LYPD6B: variants seen among roughly 807,000 people sequenced by gnomAD.
LYPD6B encodes ly6/PLAUR domain-containing protein 6B.
LYPD6B carries 17 observed loss-of-function variants against 22.8 expected under a neutral mutation model. The ratio of observed to expected loss-of-function variants is 0.75; its 90% confidence interval spans 0.51 to 1.12. LYPD6B has a LOEUF of 1.12. Ranked by LOEUF, LYPD6B falls within the 50% of genes most tolerant of loss-of-function variation. The pLI, the probability that LYPD6B is intolerant of heterozygous loss-of-function variation, is 0.00. For synonymous variants in LYPD6B, 106 were observed against 91.6 expected, an observed-to-expected ratio of 1.16 and a Z score of -0.90; for missense variants, 221 against 258.3, an observed-to-expected ratio of 0.86 and a Z score of 0.99.
In LYPD6B at chr2:149,157,290, TA is replaced by T. The variant is rs1031099747; in HGVS notation, c.6-3465del. Among the ~76,000 whole-genome samples, 419 of 150,338 alleles carry T rather than the reference TA, an allele frequency of 2.8e-3. 1 individual carries two copies. The highest frequency in any genetic ancestry group is 9.5e-3 in the African/African-American group (390 of 41,238). ...ATCTTAACAGTATTCATTTTGTCTT[TA>T]AAAAAAAACCTATTGCTCTAGAAGT... On this transcript the variant is annotated intron_variant, in intron 2 of 6. Coordinates refer to ENST00000409642, the MANE Select transcript of LYPD6B (RefSeq NM_177964.5).
At chr2:149,189,441 G>A (rs76438116) in intron 3 of LYPD6B, among the ~76,000 whole-genome samples, 277 of 145,502 alleles carry the variant, frequency 1.9e-3, no homozygotes, top group African/African-American at 6.6e-3. Flanking sequence ...CACTTTTTAC[G>A]GCAATTATGT....
chr2:149,051,253 C>T (rs994090854), intron 1 of LYPD6B, among the ~76,000 whole-genome samples: 2 of 151,850 alleles, frequency 1.3e-5, no homozygotes, highest in Non-Finnish European at 2.9e-5. Context: ...GTAAGCTCCG[C>T]CTCCTGGGTT....
chr2:149,131,724 A>T (rs2105703251), intron 2 of LYPD6B: 1 of 152,338 alleles, frequency 6.6e-6, no homozygotes, highest in East Asian at 1.9e-4. Flanking sequence ...AAGCTGTCAG[A>T]TCCCTTCCTG....
intron 1 of LYPD6B, among the ~76,000 whole-genome samples, chr2:149,100,054 T>A (rs1233061985): frequency 6.6e-6 from 1 of 152,206 alleles, no homozygotes; most frequent in African/African-American, 2.4e-5. Context: ...AGAACATTTA[T>A]ACCAACTTAT....
At chr2:149,102,241 C>T (rs537005851) in intron 1 of LYPD6B, among the ~76,000 whole-genome samples, 2 of 152,176 alleles carry the variant, frequency 1.3e-5, no homozygotes, top group Admixed American at 6.5e-5. Flanking sequence ...AATGATGGGC[C>T]ACCTTCATTG....
chr2:149,204,994 G>T (rs1420900304), intron 3 of LYPD6B: 2 of 357,940 alleles, frequency 5.6e-6, no homozygotes, highest in East Asian at 9.8e-5. Context: ...CTGCCTGCTT[G>T]TCCTTCCTGA....
chr2:149,061,798 A>C (rs1355184294), intron 1 of LYPD6B, among the ~76,000 whole-genome samples: 1 of 152,142 alleles, frequency 6.6e-6, no homozygotes, highest in Non-Finnish European at 1.5e-5. Context: ...ATACTTTTCT[A>C]TTTTACATTT....
At chr2:149,176,164 A>G (rs1030094673) in intron 3 of LYPD6B, among the ~76,000 whole-genome samples, 2 of 152,208 alleles carry the variant, frequency 1.3e-5, no homozygotes, top group Admixed American at 6.5e-5. Context: ...CTATGATGTT[A>G]TGACTATGAA....
chr2:149,118,613 A>G (rs1176541421), intron 1 of LYPD6B, among the ~76,000 whole-genome samples: 4 of 152,228 alleles, frequency 2.6e-5, no homozygotes, highest in African/African-American at 9.6e-5. Flanking sequence ...ACAGAGTAGA[A>G]ATAGCTGCTA....
At chr2:149,172,556 AC>A (rs1468358036) in intron 3 of LYPD6B, among the ~76,000 whole-genome samples, 1 of 152,096 alleles carries the variant, frequency 6.6e-6, no homozygotes, top group Non-Finnish European at 1.5e-5. Flanking sequence ...TGTTCTGTGG[AC>A]CTCCTAATCA....
chr2:149,153,840 G>T (rs921821274), intron 2 of LYPD6B, among the ~76,000 whole-genome samples: 2 of 152,128 alleles, frequency 1.3e-5, no homozygotes, highest in African/African-American at 2.4e-5. Flanking sequence ...TGGGGCCAGG[G>T]TGATCGTGAC....
chr2:149,043,652 T>A (rs1683185416), intron 1 of LYPD6B, among the ~76,000 whole-genome samples: 1 of 152,120 alleles, frequency 6.6e-6, no homozygotes, highest in Non-Finnish European at 1.5e-5. Context: ...ATAAACCAGT[T>A]TATCGATTTT....
intron 1 of LYPD6B, among the ~76,000 whole-genome samples, chr2:149,120,309 A>ATATGTGTGTATATATATG (rs1553485193): frequency 1.1e-4 from 15 of 132,152 alleles, no homozygotes; most frequent in African/African-American, 2.7e-4. Flanking sequence ...ATATATATAT[A>ATATGTGTGTATATATATG]TGTGTATATA....
chr2:149,208,415 AAG>A lies in LYPD6B; in HGVS notation c.328+4_328+5del. On this transcript the variant is annotated splice_donor_5th_base_variant and intron_variant, in intron 5 of 6. Coordinates refer to ENST00000409642, the MANE Select transcript of LYPD6B (RefSeq NM_177964.5). ...AGAAGACAAATGGTGTCCACAAAGT[AAG>A]TGTGCTGAGTTTGGAAGACTTCTGT... is the stretch of plus-strand genomic sequence containing the variant. 1 of 1,607,696 alleles carries A rather than the reference AAG, an allele frequency of 6.2e-7. No homozygotes were observed.
rs560664229 is a variant in LYPD6B at position 149,094,088 on chromosome 2, A to T, written c.-66-36795A>T. Reference sequence around the variant, plus strand: ...AAATAAGCATAGTATAATAAATGAGAAGAGTTTCTCCAGCAAAGAAGAAAA... The same window carrying T: ...AAATAAGCATAGTATAATAAATGAGTAGAGTTTCTCCAGCAAAGAAGAAAA... On this transcript the variant is annotated intron_variant, in intron 1 of 6. Transcript: ENST00000409642. Among the ~76,000 whole-genome samples the T allele has an allele frequency of 4.6e-5, 7 of 152,336 alleles. No individual in the cohort carries two copies. The East Asian group carries it at 1.3e-3, about 29-fold the overall frequency.
chr2:149,149,192 C>CG (rs1689213575), intron 2 of LYPD6B, among the ~76,000 whole-genome samples: 3 of 152,174 alleles, frequency 2.0e-5, no homozygotes, highest in South Asian at 2.1e-4. Flanking sequence ...AAAGTAATGG[C>CG]AAAACTGCAA....
intron 3 of LYPD6B, chr2:149,187,537 G>A (rs773729985): frequency 1.4e-6 from 2 of 1,461,576 alleles, no homozygotes; most frequent in Admixed American, 5.6e-5. Flanking sequence ...CTGCGAGCAG[G>A]ATCTCAGGCA....
chr2:149,144,068 A>T (rs1190377613), intron 2 of LYPD6B: 1 of 152,192 alleles, frequency 6.6e-6, no homozygotes, highest in Non-Finnish European at 1.5e-5. Context: ...TTCAGCTTTG[A>T]CTGTGTACTT....
intron 1 of LYPD6B, among the ~76,000 whole-genome samples, chr2:149,102,022 G>A (rs1258843346): frequency 2.0e-5 from 3 of 152,310 alleles, no homozygotes; most frequent in South Asian, 4.1e-4. Flanking sequence ...CAGCCACAAA[G>A]AGAGAGCTGC....
Sources: gnomAD v4.1 joint callset for allele counts (sites outside exome capture counted in the v4.1 genomes callset) on GRCh38, gnomAD v4.1.1 for gene constraint, MANE v1.5 for transcripts, NCBI Gene and HGNC (gene_info 2026-07-23, HGNC 2026-07-21) for gene names.